Variants in EPHA3 observed in about 807,000 individuals in gnomAD.
EPHA3 encodes EPH receptor A3, also known as ephrin type-A receptor 3.
A neutral mutation model predicts 107.1 loss-of-function variants in EPHA3; 42 were observed. The ratio of observed to expected loss-of-function variants is 0.39; its 90% confidence interval spans 0.31 to 0.51. The LOEUF (loss-of-function observed/expected upper bound fraction) is 0.51. Among genes scored for constraint, EPHA3 ranks in the 20% least tolerant of loss-of-function variants. The pLI is 0.78. For synonymous variants in EPHA3, 461 were observed against 424.8 expected (o/e 1.09, Z -1.05); for missense variants, 1,183 against 1,211.2 (o/e 0.98, Z 0.35).
At chr3:89,367,151 A>C (rs1349719830) in intron 5 of EPHA3, among the ~76,000 whole-genome samples, 2 of 150,840 alleles carry the variant, frequency 1.3e-5, no homozygotes, top group Non-Finnish European at 3.0e-5. Context: ...TTTAAAGACT[A>C]CCTGCCAATT....
At position 89,203,019 on chromosome 3, in the gene EPHA3, A is replaced by G. The variant is rs551739115; in HGVS notation, c.154-6841A>G. 2.6e-5 allele frequency among the ~76,000 whole-genome samples: 4 copies of G among 152,276 alleles called. No individual in the cohort carries two copies. In the South Asian group the frequency reaches 8.3e-4, roughly 32 times the overall value. ...TGGCAAATCTGGAGTGAAAAACCAG[A>G]TGGGATAAGGGCTGAACATGAGACC... On this transcript the variant is annotated intron_variant, in intron 2 of 16. Coordinates refer to ENST00000336596, the MANE Select transcript of EPHA3 (RefSeq NM_005233.6).
intron 7 of EPHA3, among the ~76,000 whole-genome samples, chr3:89,406,836 G>C (rs1335664385): frequency 1.3e-5 from 2 of 152,110 alleles, no homozygotes; most frequent in African/African-American, 4.8e-5. Context: ...CTTTTCAAAT[G>C]AATATGGATA....
intron 3 of EPHA3, among the ~76,000 whole-genome samples, chr3:89,260,896 C>G (rs1018111915): frequency 6.6e-6 from 1 of 152,232 alleles, no homozygotes; most frequent in South Asian, 2.1e-4. Flanking sequence ...TGGTCCTCCA[C>G]AGCATTTCCA....
At chr3:89,293,365 A>G (rs1706263659) in intron 3 of EPHA3, among the ~76,000 whole-genome samples, 1 of 152,200 alleles carries the variant, frequency 6.6e-6, no homozygotes, top group Non-Finnish European at 1.5e-5. Flanking sequence ...GATGAGGTCC[A>G]ACTTATCAAT....
At chr3:89,198,091 G>T (rs1463595004) in intron 2 of EPHA3, among the ~76,000 whole-genome samples, 2 of 152,154 alleles carry the variant, frequency 1.3e-5, no homozygotes, top group Non-Finnish European at 2.9e-5. Flanking sequence ...GGTCATAATT[G>T]TTATAGCCTC....
intron 3 of EPHA3, among the ~76,000 whole-genome samples, chr3:89,233,717 A>C (rs1704689444): frequency 6.6e-6 from 1 of 152,200 alleles, no homozygotes; most frequent in South Asian, 2.1e-4. Context: ...GAAACGGTGG[A>C]AGGCATAACT....
In EPHA3 at chr3:89,395,789, C is replaced by A. The variant is rs112362743; in HGVS notation, c.1307-48C>A. The stretch of plus-strand genomic sequence containing the variant: ...GTTCTTATTCGCCACCCTTTCTAAC[C>A]CATTAATTTGCTTCCTTCCACCTTC... On this transcript the variant is annotated intron_variant, in intron 5 of 16. Transcript: ENST00000336596. 2.0e-3 allele frequency: 3,281 copies of A among 1,607,666 alleles called. 63 individuals are homozygous for A. The African/African-American group carries it at 0.039, about 19-fold the overall frequency.
chr3:89,379,846 T>C (rs1708466659), intron 5 of EPHA3, among the ~76,000 whole-genome samples: 1 of 152,224 alleles, frequency 6.6e-6, no homozygotes, highest in African/African-American at 2.4e-5. Context: ...TGGATAGCTC[T>C]GAGCTAATTT....
At chr3:89,234,016 G>A (rs1704695923) in intron 3 of EPHA3, among the ~76,000 whole-genome samples, 1 of 152,132 alleles carries the variant, frequency 6.6e-6, no homozygotes, top group Admixed American at 6.5e-5. Context: ...AAGAAAAACA[G>A]CACAAATCTG....
chr3:89,239,725 T>G (rs572713573), intron 3 of EPHA3, among the ~76,000 whole-genome samples: 1 of 152,288 alleles, frequency 6.6e-6, no homozygotes, highest in Non-Finnish European at 1.5e-5. Context: ...AAAAAATATT[T>G]TTCAGTAATC....
chr3:89,188,942 A>C (rs1021930422), intron 2 of EPHA3, among the ~76,000 whole-genome samples: 9 of 152,154 alleles, frequency 5.9e-5, no homozygotes, highest in African/African-American at 2.2e-4. Flanking sequence ...AGTTTTGAAA[A>C]GTGTATGGTT....
chr3:89,258,493 T>G (rs780142957), intron 3 of EPHA3, among the ~76,000 whole-genome samples: 2 of 152,106 alleles, frequency 1.3e-5, no homozygotes, highest in African/African-American at 2.4e-5. Flanking sequence ...CCATTGTACA[T>G]GACAAATTTC....
At chr3:89,148,928 C>CAT (rs1297125596) in intron 2 of EPHA3, among the ~76,000 whole-genome samples, 1 of 151,834 alleles carries the variant, frequency 6.6e-6, no homozygotes, top group Non-Finnish European at 1.5e-5. Context: ...TCATTGGAGT[C>CAT]ATATATATAA....
chr3:89,208,820 G>C (rs936400035), intron 2 of EPHA3, among the ~76,000 whole-genome samples: 1 of 152,146 alleles, frequency 6.6e-6, no homozygotes, highest in Non-Finnish European at 1.5e-5. Context: ...AAATTCAAGA[G>C]TTAGAAAGTT....
intron 5 of EPHA3, among the ~76,000 whole-genome samples, chr3:89,359,728 T>C (rs1304941672): frequency 8.1e-6 from 1 of 122,702 alleles, no homozygotes; most frequent in Non-Finnish European, 1.8e-5. Context: ...TATATATACA[T>C]ACATATATAC....
chr3:89,322,133 GGA>G (rs145525527), intron 3 of EPHA3, among the ~76,000 whole-genome samples: 30 of 149,656 alleles, frequency 2.0e-4, no homozygotes, highest in East Asian at 2.0e-4. Context: ...GAGGGGGGTT[GGA>G]GAGAGAGAGA....
At chr3:89,393,946 A>T (rs1379506399) in intron 5 of EPHA3, among the ~76,000 whole-genome samples, 1 of 148,644 alleles carries the variant, frequency 6.7e-6, no homozygotes, top group African/African-American at 2.5e-5. Context: ...GGGTGAAGCC[A>T]ATTTAGGGAC....
chr3:89,258,920 A>AAT (rs1705349545), intron 3 of EPHA3, among the ~76,000 whole-genome samples: 1 of 152,156 alleles, frequency 6.6e-6, no homozygotes, highest in African/African-American at 2.4e-5. Flanking sequence ...ACAAAATCCA[A>AAT]ACAAGTTTAC....
chr3:89,144,737 G>A (rs184430923), intron 2 of EPHA3, among the ~76,000 whole-genome samples: 18 of 151,728 alleles, frequency 1.2e-4, no homozygotes, highest in Non-Finnish European at 2.4e-4. Flanking sequence ...CTCTGTGGTT[G>A]TGTTTTGTTT....
Sources: allele counts gnomAD v4.1 joint callset (sites outside exome capture counted in the v4.1 genomes callset), GRCh38; gene constraint gnomAD v4.1.1; transcripts MANE v1.5; gene names NCBI Gene and HGNC (gene_info 2026-07-23, HGNC 2026-07-21).